Variants in RNF19A observed in about 807,000 individuals in gnomAD.
RNF19A encodes ring finger protein 19A, RBR E3 ubiquitin protein ligase.
Under a neutral mutation model 75.7 loss-of-function variants are expected in RNF19A, and 32 were observed. That is an observed-to-expected ratio of 0.42 (90% CI 0.32 to 0.57). The LOEUF is 0.57. Among genes scored for constraint, RNF19A ranks in the 20% least tolerant of loss-of-function variants. The pLI, the probability that RNF19A is intolerant of heterozygous loss-of-function variation, is 0.10. For missense variants in RNF19A, 782 were observed against 1,036.3 expected (o/e 0.75, Z 3.37); for synonymous variants, 335 against 345.2 (o/e 0.97, Z 0.33).
chr8:100,275,026 C>G lies in RNF19A; in HGVS notation c.810G>C (p.Glu270Asp). The G allele has an allele frequency of 6.2e-7, 1 of 1,614,154 alleles. No individual in the cohort carries two copies. Among genetic ancestry groups the G allele is most frequent in the Non-Finnish European group, 8.5e-7 (1 of 1,180,030 alleles). The change falls in exon 3 of 10, where the codon GAG (glutamate) becomes GAC (aspartate). Residue 270 changes from glutamate to aspartate, a missense_variant. Physicochemically the swap from Glu to Asp is conservative, Grantham distance 45. Transcript: ENST00000341084. This position sits in a 1 kb window ranked among gnomAD's most constrained non-coding sequence, Gnocchi z 4.3. ...TTCTCAAACGTAAGCTCTGGGCTCT[C>G]TCTTGTCGAGCAGCATCACAGGTCT... ...PNQTCDAARQ[E>D]RAQSLRLRTI...
intron 1 of RNF19A, chr8:100,303,143 A>G (rs1303443067): frequency 6.6e-6 from 1 of 152,268 alleles, no homozygotes; most frequent in Non-Finnish European, 1.5e-5. Flanking sequence ...GCTTAAGACA[A>G]TGGACATTTC....
chr8:100,315,551 C>G (rs1422642552), intron 1 of RNF19A, among the ~76,000 whole-genome samples: 1 of 152,222 alleles, frequency 6.6e-6, no homozygotes, highest in Non-Finnish European at 1.5e-5. Flanking sequence ...CTTCTTGACT[C>G]TCCTCCTTAC....
chr8:100,309,570 C>T (rs1822213535), intron 1 of RNF19A: 1 of 980,056 alleles, frequency 1.0e-6, no homozygotes, highest in South Asian at 4.7e-5. Context: ...ACCAGGAGGA[C>T]AGGGCTTGGG....
chr8:100,328,684 C>A (rs370200609), intron 1 of RNF19A, among the ~76,000 whole-genome samples: 1 of 152,206 alleles, frequency 6.6e-6, no homozygotes, highest in African/African-American at 2.4e-5. Flanking sequence ...GTTGGTCAGG[C>A]TAGTCTCAAA....
Position 100,332,870 on chromosome 8 carries a change from T to G in RNF19A, c.-243+3238A>C, listed in dbSNP as rs1383801466. Among the ~76,000 whole-genome samples the G allele has an allele frequency of 6.6e-6, 1 of 152,250 alleles. No homozygotes were observed. The highest frequency in any genetic ancestry group is 1.5e-5 in the Non-Finnish European group (1 of 68,038). On this transcript the variant is annotated intron_variant, in intron 1 of 3. Coordinates refer to the RNF19A transcript ENST00000519527. The surrounding 1 kb of genome is among the most constrained non-coding windows in gnomAD (Gnocchi z 4.8). ...ATTATTGATTGGTACAAGCTGTTTA[T>G]ATTTTGTGGAAATTAGCCTCTTTTC...
chr8:100,280,846 G>A (rs937589656), intron 2 of RNF19A, among the ~76,000 whole-genome samples: 2 of 152,178 alleles, frequency 1.3e-5, no homozygotes, highest in Admixed American at 6.5e-5. Context: ...CGTTCCTTTT[G>A]TGGGAGCTGT....
At chr8:100,292,599 C>CT (rs1554671973) in intron 1 of RNF19A, among the ~76,000 whole-genome samples, 1 of 152,052 alleles carries the variant, frequency 6.6e-6, no homozygotes, top group Non-Finnish European at 1.5e-5. Flanking sequence ...CTTGCCCACT[C>CT]TAAGATTATA....
Position 100,287,388 on chromosome 8 carries a change from G to A in RNF19A, c.674+113C>T. 2 of 895,972 alleles carry A rather than the reference G, an allele frequency of 2.2e-6. No individual in the cohort carries two copies. The highest frequency in any genetic ancestry group is 3.4e-6 in the Non-Finnish European group (2 of 592,586). The allele number at this position is 895,972 out of a possible 1,614,324, so 55.5% of individuals were successfully genotyped here. A position where few individuals can be genotyped will look rare whatever the true frequency, so the allele number is the denominator to read the frequency against. On this transcript the variant is annotated intron_variant, in intron 2 of 9. Coordinates refer to ENST00000341084, the MANE Select transcript of RNF19A (RefSeq NM_183419.4). The surrounding 1 kb of genome is among the most constrained non-coding windows in gnomAD (Gnocchi z 4.1). ...CTGACATATGGTGTGCACTCAACAT[G>A]TCTGTTGAATGAATTCTCCAGCATG...
chr8:100,333,562 T>C lies in RNF19A; in HGVS notation c.-243+2546A>G, dbSNP rs148838495. On this transcript the variant is annotated intron_variant, in intron 1 of 3. Coordinates refer to the RNF19A transcript ENST00000519527. The surrounding 1 kb of genome is among the most constrained non-coding windows in gnomAD (Gnocchi z 4.7). ...GAAAGAAATATGTCAAAGCAGCAGT[T>C]ACCTGTGTTTAGAGATTATGCATAA... Among the ~76,000 whole-genome samples, 1 of 152,368 alleles carries C rather than the reference T, an allele frequency of 6.6e-6. No homozygotes were observed. Among genetic ancestry groups the C allele is most frequent in the Non-Finnish European group, 1.5e-5 (1 of 68,038 alleles).
At position 100,308,790 on chromosome 8, in the gene RNF19A, C is replaced by G. The variant is rs552477697; in HGVS notation, c.-94+1077G>C. 1.8e-4 allele frequency among the ~76,000 whole-genome samples: 27 copies of G among 152,290 alleles called. 1 individual carries two copies. In the East Asian group the frequency reaches 5.0e-3, roughly 28 times the overall value. On this transcript the variant is annotated intron_variant, in intron 1 of 9. Transcript: ENST00000341084. ...ACTGTTTACTAACACTTAAAATTAGCATTTCTAGCCAACATCTAGGTTTGA... is the reference window on the plus strand; with the variant it reads ...ACTGTTTACTAACACTTAAAATTAGGATTTCTAGCCAACATCTAGGTTTGA...
At chr8:100,263,602 T>C (rs1819828755) in intron 7 of RNF19A, among the ~76,000 whole-genome samples, 1 of 152,242 alleles carries the variant, frequency 6.6e-6, no homozygotes, top group South Asian at 2.1e-4. Flanking sequence ...CATACTCCTA[T>C]AGGCAGTCTA....
intron 1 of RNF19A, among the ~76,000 whole-genome samples, chr8:100,297,192 G>A (rs1180780674): frequency 6.6e-6 from 1 of 152,174 alleles, no homozygotes; most frequent in Non-Finnish European, 1.5e-5. Context: ...ATGAAGAGAT[G>A]AAGACATTTA....
At position 100,317,443 on chromosome 8, in the gene RNF19A, G is replaced by A. The variant is rs368817449; in HGVS notation, c.-242-4071C>T. Reference sequence around the variant, plus strand: ...GCCCTTCAGAGAGTGCCAGGGGAAAGGAAATTGTTTCTTCCTCTTCATGGG... The same window carrying A: ...GCCCTTCAGAGAGTGCCAGGGGAAAAGAAATTGTTTCTTCCTCTTCATGGG... On this transcript the variant is annotated intron_variant, in intron 1 of 3. Coordinates refer to the RNF19A transcript ENST00000519527. This position sits in a 1 kb window ranked among gnomAD's most constrained non-coding sequence, Gnocchi z 4.3. Among the ~76,000 whole-genome samples the A allele has an allele frequency of 1.3e-3, 199 of 152,334 alleles. No individual in the cohort carries two copies. The highest frequency in any genetic ancestry group is 4.6e-3 in the African/African-American group (190 of 41,570).
In RNF19A at chr8:100,272,384, T is replaced by A. The variant is rs539906544; in HGVS notation, c.884-2371A>T. Among the ~76,000 whole-genome samples the A allele has an allele frequency of 2.0e-5, 3 of 152,246 alleles. No homozygotes were observed. In the East Asian group the frequency reaches 5.8e-4, roughly 29 times the overall value. On this transcript the variant is annotated intron_variant, in intron 3 of 9. Transcript: ENST00000341084. ...TGACTGGGGAAAAAAAACAACTAAT[T>A]ATTATACCAATTAATATTAAAAGTA... is the stretch of plus-strand genomic sequence containing the variant.
chr8:100,264,462 G>C lies in RNF19A; in HGVS notation c.1306+209C>G. The stretch of plus-strand genomic sequence containing the variant: ...GTGCCAGGCCTCCGAACTGTACTTG[G>C]GGTGGAGTGGGGAGGAAGGGTATCA... On this transcript the variant is annotated intron_variant, in intron 6 of 9. Coordinates refer to ENST00000341084, the MANE Select transcript of RNF19A (RefSeq NM_183419.4). The surrounding 1 kb of genome is among the most constrained non-coding windows in gnomAD (Gnocchi z 4.7). 1.7e-6 allele frequency: 1 copy of C among 585,430 alleles called. No homozygotes were observed. The highest frequency in any genetic ancestry group is 3.0e-6 in the Non-Finnish European group (1 of 334,028). 36.3% of individuals were successfully genotyped at this position (585,430 alleles called of 1,614,324 possible). A position where few individuals can be genotyped will look rare whatever the true frequency, so the allele number is the denominator to read the frequency against.
Position 100,267,753 on chromosome 8 carries a change from C to T in RNF19A, c.1191+1032G>A, listed in dbSNP as rs971938418. On this transcript the variant is annotated intron_variant, in intron 5 of 9. Coordinates refer to ENST00000341084, the MANE Select transcript of RNF19A (RefSeq NM_183419.4). ...GTGCAATGGTGCAATCTCAGCTCAC[C>T]GCAACCTCCACCTCCCAGGTTCAAG... Among the ~76,000 whole-genome samples, 9 of 151,552 alleles carry T rather than the reference C, an allele frequency of 5.9e-5. 1 individual carries two copies. The highest frequency in any genetic ancestry group is 3.9e-4 in the East Asian group (2 of 5,154).
In RNF19A at chr8:100,287,864, T is replaced by C. The variant is rs763234689; in HGVS notation, c.311A>G (p.Asp104Gly). ...ATTTGTAGAGAAAATGGAGTTCTTA[T>C]CAGTACACATTTCAGAATGTATACT... ...IESIHSEMCTDKNSIFSTNTS... is the reference protein window; with the variant it reads ...IESIHSEMCTGKNSIFSTNTS... The change falls in exon 2 of 10, where the codon GAT becomes GGT. Residue 104 changes from aspartate (D) to glycine (G), a missense_variant. Physicochemically the swap from Asp to Gly is moderately conservative, Grantham distance 94 (BLOSUM62 -1). Around this residue, in one of 7 missense-constraint regions of RNF19A, gnomAD observed 148 missense variants for 147.9 expected, o/e 1.00. Coordinates refer to ENST00000341084, the MANE Select transcript of RNF19A (RefSeq NM_183419.4). This position sits in a 1 kb window ranked among gnomAD's most constrained non-coding sequence, Gnocchi z 4.1. 2 of 1,614,206 alleles carry C rather than the reference T, an allele frequency of 1.2e-6. No homozygotes were observed. The highest frequency in any genetic ancestry group is 1.7e-6 in the Non-Finnish European group (2 of 1,180,018).
At chr8:100,326,675 T>C (rs993790053) in intron 1 of RNF19A, among the ~76,000 whole-genome samples, 1 of 152,236 alleles carries the variant, frequency 6.6e-6, no homozygotes, top group African/African-American at 2.4e-5. Context: ...TCTTATTTCC[T>C]TCCCATGAGC....
At position 100,261,366 on chromosome 8, in the gene RNF19A, G is replaced by T. The variant is rs1444915202; in HGVS notation, c.1682+176C>A. 6.6e-6 allele frequency among the ~76,000 whole-genome samples: 1 copy of T among 152,112 alleles called. No individual in the cohort carries two copies. The highest frequency in any genetic ancestry group is 2.4e-5 in the African/African-American group (1 of 41,414). ...ACCTGCTTTGGCTTCCCAACATGCT[G>T]GGATTACAGGCGTGAGCCACTGCAC... is the stretch of plus-strand genomic sequence containing the variant. On this transcript the variant is annotated intron_variant, in intron 8 of 9. Transcript: ENST00000341084. This position sits in a 1 kb window ranked among gnomAD's most constrained non-coding sequence, Gnocchi z 4.4.
Sources: allele counts gnomAD v4.1 joint callset (sites outside exome capture counted in the v4.1 genomes callset), GRCh38; gene constraint gnomAD v4.1.1; regional missense constraint gnomAD v4.1.1; non-coding constraint Gnocchi (gnomAD v3.1); transcripts MANE v1.5; gene names NCBI Gene and HGNC (gene_info 2026-07-23, HGNC 2026-07-21).